Variants in AGAP1 observed in about 807,000 individuals in gnomAD.
The protein encoded by AGAP1 is ArfGAP with GTPase domain, ankyrin repeat and PH domain 1.
In AGAP1, 29 loss-of-function variants were observed where a neutral mutation model predicts 105.3. The ratio of observed to expected loss-of-function variants is 0.28; its 90% CI spans 0.21 to 0.38. The LOEUF (loss-of-function observed/expected upper bound fraction) is 0.38, where lower values mean the gene tolerates loss of function less well. Among genes scored for constraint, AGAP1 ranks in the 10% least tolerant of loss-of-function variants. The probability of loss-of-function intolerance (pLI) is 1.00; values close to 1 mark genes in which losing one functional copy is unlikely to be tolerated. For missense variants in AGAP1, 998 were observed against 1,165.1 expected, an observed-to-expected ratio of 0.86 and a Z score of 2.09; for synonymous variants, 509 against 485.9, an observed-to-expected ratio of 1.05 and a Z score of -0.63.
chr2:235,588,875 G>A (rs148855950), intron 1 of AGAP1, among the ~76,000 whole-genome samples: 2 of 152,204 alleles, frequency 1.3e-5, no homozygotes, highest in South Asian at 2.1e-4. Flanking sequence ...AGAATCTTCC[G>A]GCTGGGAAAG....
At chr2:236,010,130 C>A (rs1187190107) in intron 13 of AGAP1, among the ~76,000 whole-genome samples, 1,459 of 141,972 alleles carry the variant, frequency 0.01, 12 homozygotes, top group African/African-American at 0.03. Flanking sequence ...AAAAAAAAAA[C>A]AAAAAACTTT....
chr2:235,579,337 C>A (rs548871717), intron 1 of AGAP1, among the ~76,000 whole-genome samples: 3 of 152,316 alleles, frequency 2.0e-5, no homozygotes, highest in African/African-American at 7.2e-5. Flanking sequence ...AGGTCTCCAG[C>A]CTTTTTGTTA....
chr2:236,072,125 GTTTTTT>G (rs11342740), intron 16 of AGAP1, among the ~76,000 whole-genome samples: 1 of 111,966 alleles, frequency 8.9e-6, no homozygotes, highest in African/African-American at 3.2e-5. Flanking sequence ...TTCGTTGTGG[GTTTTTT>G]TTTTTTTTTT....
intron 1 of AGAP1, among the ~76,000 whole-genome samples, chr2:235,592,690 C>T (rs189194702): frequency 6.6e-5 from 10 of 152,186 alleles, no homozygotes; most frequent in East Asian, 1.9e-4. Flanking sequence ...TGCTGGATGT[C>T]GCACATGGAG....
rs2057666827 is a variant in AGAP1 at position 236,044,791 on chromosome 2, C to T, written c.1891+3950C>T. Among the ~76,000 whole-genome samples the T allele has an allele frequency of 6.6e-6, 1 of 151,136 alleles. No individual in the cohort carries two copies. The highest frequency in any genetic ancestry group is 6.6e-5 in the Admixed American group (1 of 15,144). On this transcript the variant is annotated intron_variant, in intron 15 of 17. Transcript: ENST00000304032. This position sits in a 1 kb window ranked among gnomAD's most constrained non-coding sequence, Gnocchi z 5.7. ...ATCACACACACACACACACACACAT[C>T]CCTACTCCCTGCTGTTCTGCCCTGG... is the stretch of plus-strand genomic sequence containing the variant.
At chr2:235,806,643 T>C (rs1212521000) in intron 8 of AGAP1, among the ~76,000 whole-genome samples, 1 of 152,212 alleles carries the variant, frequency 6.6e-6, no homozygotes, top group Non-Finnish European at 1.5e-5. Flanking sequence ...CAAAGGCGAT[T>C]ATCAGGGGTT....
rs572332919 is a variant in AGAP1, at chr2:235,641,547, C to T, written c.164-67632C>T. 5.9e-5 allele frequency among the ~76,000 whole-genome samples: 9 copies of T among 152,282 alleles called. No homozygotes were observed. The South Asian group carries it at 1.0e-3, about 18-fold the overall frequency. ...GAGAGGCTGAGTGGGTTGCGTGGCC[C>T]GTCTGTGCCTGTGGGCTCCTCTCCC... On this transcript the variant is annotated intron_variant, in intron 1 of 17. Transcript: ENST00000304032.
chr2:235,877,216 C>T lies in AGAP1; in HGVS notation c.1051-6129C>T, dbSNP rs887686682. 1.3e-5 allele frequency among the ~76,000 whole-genome samples: 2 copies of T among 152,082 alleles called. No homozygotes were observed. The highest frequency in any genetic ancestry group is 2.4e-5 in the African/African-American group (1 of 41,404). The stretch of plus-strand genomic sequence containing the variant: ...TTTAACTGTTTTGATAATAATTATG[C>T]AGTTAGGTACAAGCAGAAAACTAAG... On this transcript the variant is annotated intron_variant, in intron 9 of 17. Transcript: ENST00000304032. The surrounding 1 kb of genome is among the most constrained non-coding windows in gnomAD (Gnocchi z 4.3).
At chr2:235,647,896 A>G (rs1454376863) in intron 1 of AGAP1, among the ~76,000 whole-genome samples, 1 of 151,968 alleles carries the variant, frequency 6.6e-6, no homozygotes, top group Non-Finnish European at 1.5e-5. Context: ...TCACACCGCC[A>G]CTAATTTCCC....
At position 235,959,039 on chromosome 2, in the gene AGAP1, G is replaced by A. The variant is rs1209051574; in HGVS notation, c.1484-9423G>A. On this transcript the variant is annotated intron_variant, in intron 12 of 17. Coordinates refer to ENST00000304032, the MANE Select transcript of AGAP1 (RefSeq NM_001037131.3). This position sits in a 1 kb window ranked among gnomAD's most constrained non-coding sequence, Gnocchi z 7.3. ...TGGTGCCGGCCCATCCCGGCTCAGC[G>A]CCGCGCAGCTCGGGACCCCAGTCCC... 2.0e-5 allele frequency among the ~76,000 whole-genome samples: 3 copies of A among 152,188 alleles called. No individual in the cohort carries two copies. The highest frequency in any genetic ancestry group is 6.5e-5 in the Admixed American group (1 of 15,286).
At position 236,119,039 on chromosome 2, in the gene AGAP1, TCCTTCTTAGC is replaced by T. The variant is rs1435800549; in HGVS notation, c.2115-1149_2115-1140del. Among the ~76,000 whole-genome samples, 1 of 152,114 alleles carries T rather than the reference TCCTTCTTAGC, an allele frequency of 6.6e-6. No individual in the cohort carries two copies. The highest frequency in any genetic ancestry group is 1.5e-5 in the Non-Finnish European group (1 of 68,016). ...AAGCTTCTCATCTCATCCTGTCCTC[TCCTTCTTAGC>T]CCTCCCCACAGATGTGTAGCAGGGT... On this transcript the variant is annotated intron_variant, in intron 16 of 17. Transcript: ENST00000304032. The surrounding 1 kb of genome is among the most constrained non-coding windows in gnomAD (Gnocchi z 6.6).
rs1446470832 is a variant in AGAP1 at position 235,875,384 on chromosome 2, C to T, written c.1051-7961C>T. Among the ~76,000 whole-genome samples, 2 of 152,218 alleles carry T rather than the reference C, an allele frequency of 1.3e-5. No homozygotes were observed. Among genetic ancestry groups the T allele is most frequent in the African/African-American group, 2.4e-5 (1 of 41,454 alleles). Reference sequence around the variant, plus strand: ...GGTGCGAGTCTCACCATCGTGCTGTCTGCTGAGAGATCTGATTCCCAGCGG... The same window carrying T: ...GGTGCGAGTCTCACCATCGTGCTGTTTGCTGAGAGATCTGATTCCCAGCGG... On this transcript the variant is annotated intron_variant, in intron 9 of 17. Transcript: ENST00000304032. This position sits in a 1 kb window ranked among gnomAD's most constrained non-coding sequence, Gnocchi z 4.0.
chr2:235,628,716 C>CT (rs1159254642), intron 1 of AGAP1, among the ~76,000 whole-genome samples: 2 of 152,052 alleles, frequency 1.3e-5, no homozygotes, highest in African/African-American at 4.8e-5. Flanking sequence ...CTGGTGCACC[C>CT]ATCACCCAAG....
At chr2:235,588,440 T>C (rs1945203765) in intron 1 of AGAP1, among the ~76,000 whole-genome samples, 1 of 152,182 alleles carries the variant, frequency 6.6e-6, no homozygotes, top group South Asian at 2.1e-4. Context: ...TCACCCTTGA[T>C]GCTGAGACAT....
At position 235,867,834 on chromosome 2, in the gene AGAP1, C is replaced by T. The variant is rs932330530; in HGVS notation, c.1051-15511C>T. On this transcript the variant is annotated intron_variant, in intron 9 of 17. Coordinates refer to ENST00000304032, the MANE Select transcript of AGAP1 (RefSeq NM_001037131.3). This position sits in a 1 kb window ranked among gnomAD's most constrained non-coding sequence, Gnocchi z 5.4. Reference sequence around the variant, plus strand: ...AGAATAGGTCACAGCTTGTATGACCCGTGTGCTTCTCCAGTTTCCAATGAT... The same window carrying T: ...AGAATAGGTCACAGCTTGTATGACCTGTGTGCTTCTCCAGTTTCCAATGAT... Among the ~76,000 whole-genome samples the T allele has an allele frequency of 1.3e-5, 2 of 152,058 alleles. No homozygotes were observed. The highest frequency in any genetic ancestry group is 4.8e-5 in the African/African-American group (2 of 41,412).
intron 1 of AGAP1, among the ~76,000 whole-genome samples, chr2:235,514,312 C>T (rs932749899): frequency 5.3e-5 from 8 of 152,260 alleles, no homozygotes; most frequent in African/African-American, 1.9e-4. Flanking sequence ...CTCACTAGGG[C>T]TTTTAGAATG....
At position 235,701,843 on chromosome 2, in the gene AGAP1, C is replaced by A. The variant is rs1231931761; in HGVS notation, c.164-7336C>A. On this transcript the variant is annotated intron_variant, in intron 1 of 17. Transcript: ENST00000304032. The surrounding 1 kb of genome is among the most constrained non-coding windows in gnomAD (Gnocchi z 4.1). ...AGGCTGTGGCAGCCACAGCCTCCTC[C>A]GATGCTCCTCTCCTCTGTGGATGTA... is the stretch of plus-strand genomic sequence containing the variant. Among the ~76,000 whole-genome samples the A allele has an allele frequency of 2.6e-5, 4 of 152,094 alleles. No individual in the cohort carries two copies. The highest frequency in any genetic ancestry group is 7.2e-5 in the African/African-American group (3 of 41,426).
At chr2:236,107,226 A>G (rs2059520394) in intron 16 of AGAP1, among the ~76,000 whole-genome samples, 1 of 147,758 alleles carries the variant, frequency 6.8e-6, no homozygotes, top group Non-Finnish European at 1.5e-5. Context: ...GTGGCTGCCC[A>G]GGGCCCCACA....
intron 13 of AGAP1, among the ~76,000 whole-genome samples, chr2:235,975,202 A>C (rs1470115040): frequency 1.3e-5 from 2 of 152,204 alleles, no homozygotes; most frequent in Non-Finnish European, 2.9e-5. Flanking sequence ...TTTTGTTTTT[A>C]CTTAGATGCT....
Sources: allele counts gnomAD v4.1 joint callset (sites outside exome capture counted in the v4.1 genomes callset), GRCh38; gene constraint gnomAD v4.1.1; non-coding constraint Gnocchi (gnomAD v3.1); transcripts MANE v1.5; gene names NCBI Gene and HGNC (gene_info 2026-07-23, HGNC 2026-07-21).